Variants in PTPRD observed in about 807,000 individuals in gnomAD.
PTPRD encodes the protein protein tyrosine phosphatase receptor type D.
PTPRD carries 34 observed loss-of-function variants against 214.5 expected under a neutral mutation model. The ratio of observed to expected loss-of-function variants is 0.16; its 90% confidence interval spans 0.12 to 0.21. The LOEUF is 0.21. Ranked by LOEUF, PTPRD falls within the 10% of genes least tolerant of loss-of-function variation. The pLI is 1.00. For synonymous variants in PTPRD, 1,128 were observed against 845.7 expected (o/e 1.33, Z -5.79); for missense variants, 2,545 against 2,398.7 (o/e 1.06, Z -1.27).
At chr9:9,850,669 GTT>G (rs2060392299) in intron 5 of PTPRD, among the ~76,000 whole-genome samples, 1 of 152,018 alleles carries the variant, frequency 6.6e-6, no homozygotes, top group Non-Finnish European at 1.5e-5. Context: ...TCACATATTT[GTT>G]TTTTATTGTG....
rs182310713 is a variant in PTPRD, at chr9:9,750,764, G to C, written c.-326+16046C>G. On this transcript the variant is annotated intron_variant, in intron 6 of 45. Transcript: ENST00000381196. ...GACAACTATGAACTCCAGGGACTCA[G>C]GGCTTAATGGGAACTTTTCTATTTA... Among the ~76,000 whole-genome samples the C allele has an allele frequency of 2.0e-3, 300 of 152,200 alleles. 2 individuals carry two copies. The highest frequency in any genetic ancestry group is 8.1e-4 in the Non-Finnish European group (55 of 68,010).
intron 21 of PTPRD, among the ~76,000 whole-genome samples, chr9:8,513,814 G>A (rs1377833568): frequency 1.3e-5 from 2 of 151,978 alleles, no homozygotes; most frequent in Non-Finnish European, 2.9e-5. Flanking sequence ...TTTTAATTAA[G>A]CCTATAGAAC....
chr9:10,609,093 T>C (rs1015564056), intron 2 of PTPRD, among the ~76,000 whole-genome samples: 17 of 152,098 alleles, frequency 1.1e-4, no homozygotes, highest in African/African-American at 4.1e-4. Context: ...TGTTAAAGTT[T>C]ATTAAATTCA....
chr9:9,453,015 A>T (rs1243032335), intron 8 of PTPRD, among the ~76,000 whole-genome samples: 1 of 63,852 alleles, frequency 1.6e-5, no homozygotes, highest in Non-Finnish European at 3.3e-5. Context: ...ACTGAAGCCT[A>T]TTTTATTTTT....
chr9:8,569,291 G>C (rs965271070), intron 14 of PTPRD, among the ~76,000 whole-genome samples: 1 of 152,234 alleles, frequency 6.6e-6, no homozygotes, highest in African/African-American at 2.4e-5. Flanking sequence ...GCAGAAGGAA[G>C]CCCATTCTAT....
At chr9:10,431,872 G>C (rs1488720241) in intron 2 of PTPRD, among the ~76,000 whole-genome samples, 3 of 152,206 alleles carry the variant, frequency 2.0e-5, no homozygotes, top group East Asian at 3.9e-4. Context: ...GTGGAAGACA[G>C]TGTGGTGATT....
At chr9:9,405,831 C>A (rs750267105) in intron 8 of PTPRD, among the ~76,000 whole-genome samples, 2 of 151,834 alleles carry the variant, frequency 1.3e-5, no homozygotes, top group Admixed American at 6.6e-5. Context: ...TTTTATGTAG[C>A]CTTGGAATGT....
chr9:10,519,551 T>G (rs1454695552), intron 2 of PTPRD, among the ~76,000 whole-genome samples: 1 of 152,172 alleles, frequency 6.6e-6, no homozygotes, highest in African/African-American at 2.4e-5. Context: ...ATAATGTGTC[T>G]TAGCACATAG....
chr9:9,570,672 C>G (rs564409255), intron 8 of PTPRD, among the ~76,000 whole-genome samples: 69 of 151,466 alleles, frequency 4.6e-4, no homozygotes, highest in Non-Finnish European at 8.7e-4. Flanking sequence ...GTTCTCCCTG[C>G]TTTCATTATG....
At chr9:9,371,607 T>C (rs2059516090) in intron 9 of PTPRD, among the ~76,000 whole-genome samples, 1 of 152,190 alleles carries the variant, frequency 6.6e-6, no homozygotes, top group African/African-American at 2.4e-5. Context: ...TGTGTCTCTA[T>C]CTCCTTCAGT....
At chr9:10,509,580 T>TATATATATATATATATA (rs1491395020) in intron 2 of PTPRD, among the ~76,000 whole-genome samples, 55 of 134,926 alleles carry the variant, frequency 4.1e-4, no homozygotes, top group Non-Finnish European at 5.0e-4. Flanking sequence ...TATATATATA[T>TATATATATATATATATA]TTTACTCACT....
At chr9:9,026,174 A>G (rs1313320987) in intron 10 of PTPRD, among the ~76,000 whole-genome samples, 1 of 151,992 alleles carries the variant, frequency 6.6e-6, no homozygotes, top group African/African-American at 2.4e-5. Context: ...TTAACAAAAG[A>G]AAGAACAGCC....
chr9:10,343,358 T>G (rs1262292341), intron 2 of PTPRD, among the ~76,000 whole-genome samples: 2 of 152,186 alleles, frequency 1.3e-5, no homozygotes, highest in Admixed American at 6.5e-5. Flanking sequence ...GTGCCAAATT[T>G]TCTTAATCCA....
chr9:9,789,816 A>C (rs1055107921), intron 5 of PTPRD, among the ~76,000 whole-genome samples: 9 of 150,818 alleles, frequency 6.0e-5, no homozygotes, highest in Non-Finnish European at 1.2e-4. Flanking sequence ...AAAAAAAAAA[A>C]AAAAAAAAAT....
chr9:9,896,130 C>G (rs2074908997), intron 5 of PTPRD, among the ~76,000 whole-genome samples: 1 of 151,924 alleles, frequency 6.6e-6, no homozygotes, highest in Admixed American at 6.6e-5. Flanking sequence ...ATGAAGGGAG[C>G]TGAAGTCTTC....
chr9:9,157,682 C>A (rs7872327), intron 10 of PTPRD, among the ~76,000 whole-genome samples: 135,282 of 152,308 alleles, frequency 0.89, 60,352 homozygotes, highest in African/African-American at 0.97. Context: ...GAATTATAAC[C>A]AACATTTATT....
At chr9:9,776,516 C>T (rs1279418030) in intron 5 of PTPRD, among the ~76,000 whole-genome samples, 1 of 152,042 alleles carries the variant, frequency 6.6e-6, no homozygotes, top group Non-Finnish European at 1.5e-5. Flanking sequence ...ACTGAGAAAA[C>T]ATCTGTTGAA....
chr9:9,220,201 A>T (rs565146280), intron 9 of PTPRD, among the ~76,000 whole-genome samples: 2 of 152,204 alleles, frequency 1.3e-5, no homozygotes, highest in East Asian at 3.9e-4. Flanking sequence ...GAGTATTATA[A>T]TAAATGGACA....
intron 2 of PTPRD, among the ~76,000 whole-genome samples, chr9:10,372,869 A>G (rs1428430248): frequency 6.7e-6 from 1 of 149,686 alleles, no homozygotes; most frequent in Non-Finnish European, 1.5e-5. Context: ...ATTATTATTG[A>G]GATGTAGTCT....
Sources: gnomAD v4.1 joint callset for allele counts (sites outside exome capture counted in the v4.1 genomes callset) on GRCh38, gnomAD v4.1.1 for gene constraint, MANE v1.5 for transcripts, NCBI Gene and HGNC (gene_info 2026-07-23, HGNC 2026-07-21) for gene names.